TMTC2: variants seen among roughly 807,000 people sequenced by gnomAD.
The protein encoded by TMTC2 is transmembrane O-mannosyltransferase targeting cadherins 2.
A neutral mutation model predicts 82.4 loss-of-function variants in TMTC2; 43 were observed. The observed-to-expected ratio is 0.52, with a 90% CI of 0.41 to 0.67. TMTC2 has a LOEUF of 0.67. TMTC2 is among the 30% of genes least tolerant of loss of function. The pLI is 0.00. For synonymous variants in TMTC2, 408 were observed against 381.9 expected (o/e 1.07, Z -0.80); for missense variants, 919 against 1,012.4 (o/e 0.91, Z 1.25).
At chr12:82,907,226 G>C (rs1410103746) in intron 3 of TMTC2, among the ~76,000 whole-genome samples, 4 of 152,152 alleles carry the variant, frequency 2.6e-5, no homozygotes, top group African/African-American at 9.6e-5. Context: ...CACTTTGGGA[G>C]GCCAAGTCGG....
At chr12:83,038,671 T>C (rs1327792976) in intron 9 of TMTC2, among the ~76,000 whole-genome samples, 2 of 152,134 alleles carry the variant, frequency 1.3e-5, no homozygotes, top group Non-Finnish European at 2.9e-5. Flanking sequence ...TATGTTATTA[T>C]GTTAGGTGAA....
At chr12:83,039,287 C>T (rs1881800054) in intron 9 of TMTC2, among the ~76,000 whole-genome samples, 1 of 151,812 alleles carries the variant, frequency 6.6e-6, no homozygotes, top group African/African-American at 2.4e-5. Flanking sequence ...ATTATGGTAA[C>T]CAACCAATTA....
intron 3 of TMTC2, among the ~76,000 whole-genome samples, chr12:82,902,004 G>A (rs945065449): frequency 6.6e-6 from 1 of 152,100 alleles, no homozygotes; most frequent in African/African-American, 2.4e-5. Context: ...CTTTCCTTAT[G>A]TCCCACTCCA....
intron 1 of TMTC2, among the ~76,000 whole-genome samples, chr12:82,752,364 T>C (rs768468052): frequency 2.6e-5 from 4 of 152,042 alleles, no homozygotes; most frequent in Non-Finnish European, 5.9e-5. Flanking sequence ...CTGGCGCTTG[T>C]AATCCCAGCT....
rs183099696 is a variant in TMTC2, at chr12:82,883,982, A to G, written c.655-11836A>G. Among the ~76,000 whole-genome samples the G allele has an allele frequency of 6.6e-5, 10 of 152,278 alleles. No individual in the cohort carries two copies. In the South Asian group the frequency reaches 1.0e-3, roughly 16 times the overall value. ...GTTTTGTGGCTACCCTGATTTGACC[A>G]TAGCGCACTGCCTGGTGGGAAGGGT... On this transcript the variant is annotated intron_variant, in intron 2 of 11. Transcript: ENST00000321196.
intron 8 of TMTC2, among the ~76,000 whole-genome samples, chr12:82,997,767 A>G (rs1399717330): frequency 3.3e-5 from 5 of 151,996 alleles, no homozygotes; most frequent in Non-Finnish European, 4.4e-5. Context: ...TAATACTTCT[A>G]GATGTCCTTT....
At chr12:83,118,226 G>C (rs1884830817) in intron 11 of TMTC2, among the ~76,000 whole-genome samples, 1 of 152,118 alleles carries the variant, frequency 6.6e-6, no homozygotes, top group African/African-American at 2.4e-5. Context: ...AGCAGTGAGA[G>C]TTGGTGTCCT....
At position 83,065,355 on chromosome 12, in the gene TMTC2, A is replaced by C. The variant is rs146507724; in HGVS notation, c.2331+3524A>C. On this transcript the variant is annotated intron_variant, in intron 11 of 11. Transcript: ENST00000321196. ...ATATGAAGAATTCCAGTGATCAAAT[A>C]CTAAAATAATGAAAGATGTCTAAAT... 2.9e-3 allele frequency among the ~76,000 whole-genome samples: 439 copies of C among 152,050 alleles called. 2 individuals are homozygous for C. The highest frequency in any genetic ancestry group is 1.0e-2 in the African/African-American group (415 of 41,540).
chr12:82,962,459 G>C (rs1055676448), intron 4 of TMTC2, among the ~76,000 whole-genome samples: 1 of 152,012 alleles, frequency 6.6e-6, no homozygotes, highest in Non-Finnish European at 1.5e-5. Flanking sequence ...ATAAGAATAG[G>C]TGGGCTTAGT....
At chr12:82,693,509 G>A (rs959172297) in intron 1 of TMTC2, among the ~76,000 whole-genome samples, 1 of 152,078 alleles carries the variant, frequency 6.6e-6, no homozygotes, top group Non-Finnish European at 1.5e-5. Flanking sequence ...CTTGTCATAG[G>A]GATTCAAGAT....
At position 83,053,960 on chromosome 12, in the gene TMTC2, A is replaced by G. The variant is rs528052334; in HGVS notation, c.2267+2942A>G. 5.6e-4 allele frequency among the ~76,000 whole-genome samples: 86 copies of G among 152,216 alleles called. 1 individual carries two copies. Among genetic ancestry groups the G allele is most frequent in the African/African-American group, 1.7e-3 (70 of 41,568 alleles). Reference sequence around the variant, plus strand: ...GCTTGGCCCTTTGTTTTAGAGAACCACAGTAGGATTGCACTTTCCTGCCTT... The same window carrying G: ...GCTTGGCCCTTTGTTTTAGAGAACCGCAGTAGGATTGCACTTTCCTGCCTT... On this transcript the variant is annotated intron_variant, in intron 10 of 11. Transcript: ENST00000321196.
At chr12:82,692,897 A>G (rs1001654000) in intron 1 of TMTC2, among the ~76,000 whole-genome samples, 4 of 152,320 alleles carry the variant, frequency 2.6e-5, no homozygotes, top group African/African-American at 9.6e-5. Flanking sequence ...AATATTTTGA[A>G]TAATTGCTGG....
intron 1 of TMTC2, among the ~76,000 whole-genome samples, chr12:82,790,584 T>C (rs1234309524): frequency 6.6e-6 from 1 of 151,794 alleles, no homozygotes; most frequent in African/African-American, 2.4e-5. Flanking sequence ...ATCCCAGCAC[T>C]CTGGGAGGCC....
chr12:82,736,403 C>T (rs1875127554), intron 1 of TMTC2, among the ~76,000 whole-genome samples: 1 of 151,974 alleles, frequency 6.6e-6, no homozygotes, highest in African/African-American at 2.4e-5. Context: ...TTAGTAAAGT[C>T]CCATTATCAT....
chr12:82,747,926 G>T (rs1161096534), intron 1 of TMTC2, among the ~76,000 whole-genome samples: 1 of 152,160 alleles, frequency 6.6e-6, no homozygotes, highest in Non-Finnish European at 1.5e-5. Context: ...ATTGGGCTAG[G>T]TAATATAACC....
intron 4 of TMTC2, among the ~76,000 whole-genome samples, chr12:82,963,832 T>TCTC (rs1213496068): frequency 2.0e-5 from 2 of 100,296 alleles, no homozygotes; most frequent in African/African-American, 1.1e-4. Context: ...TATATATATA[T>TCTC]ATATATATAT....
At chr12:83,098,329 A>G (rs1884100199) in intron 11 of TMTC2, among the ~76,000 whole-genome samples, 1 of 152,222 alleles carries the variant, frequency 6.6e-6, no homozygotes, top group African/African-American at 2.4e-5. Flanking sequence ...TTCACTGTCA[A>G]TCAGCAGTTC....
chr12:82,752,659 TA>T (rs1876080967), intron 1 of TMTC2, among the ~76,000 whole-genome samples: 1 of 151,666 alleles, frequency 6.6e-6, no homozygotes, highest in Non-Finnish European at 1.5e-5. Context: ...AATCTTAAAA[TA>T]GGCCTATATA....
intron 1 of TMTC2, among the ~76,000 whole-genome samples, chr12:82,715,168 G>A (rs1873835016): frequency 6.6e-6 from 1 of 151,938 alleles, no homozygotes; most frequent in South Asian, 2.1e-4. Flanking sequence ...CTATTCAGGA[G>A]GCTGAGGCAG....
Sources: gnomAD v4.1 joint callset for allele counts (sites outside exome capture counted in the v4.1 genomes callset) on GRCh38, gnomAD v4.1.1 for gene constraint, MANE v1.5 for transcripts, NCBI Gene and HGNC (gene_info 2026-07-23, HGNC 2026-07-21) for gene names.